Variants in NTM observed in about 807,000 individuals in gnomAD.
NTM encodes the protein neurotrimin.
A neutral mutation model predicts 42.1 loss-of-function variants in NTM; 13 were observed. The observed-to-expected ratio is 0.31, with a 90% confidence interval of 0.20 to 0.49. The LOEUF is 0.49. NTM is among the 20% of genes least tolerant of loss of function. The probability of loss-of-function intolerance (pLI) is 0.99; values close to 1 mark genes in which losing one functional copy is unlikely to be tolerated. For missense variants in NTM, 373 were observed against 452.8 expected (o/e 0.82, Z 1.60); for synonymous variants, 187 against 179.2 (o/e 1.04, Z -0.35).
intron 1 of NTM, among the ~76,000 whole-genome samples, chr11:131,681,248 TG>T (rs1283053384): frequency 1.1e-4 from 6 of 56,224 alleles, no homozygotes; most frequent in African/African-American, 1.4e-4. Flanking sequence ...TATGTGAGCG[TG>T]TGTTTCTGTG....
chr11:131,970,312 GC>G lies in NTM; in HGVS notation c.167+58665del, dbSNP rs545528646. On this transcript the variant is annotated intron_variant, in intron 2 of 8. Transcript: ENST00000683400. ...GATTTGATTGTATGTTTTCTGTTTG[GC>G]TTCCATGTTCTACCTGCCAGTGGGC... is the stretch of plus-strand genomic sequence containing the variant. Among the ~76,000 whole-genome samples the G allele has an allele frequency of 4.9e-3, 747 of 152,202 alleles. 2 individuals carry two copies. The highest frequency in any genetic ancestry group is 7.8e-3 in the Non-Finnish European group (531 of 68,008).
intron 1 of NTM, among the ~76,000 whole-genome samples, chr11:131,475,966 G>C (rs554746300): frequency 1.5e-4 from 23 of 152,134 alleles, no homozygotes; most frequent in African/African-American, 5.3e-4. Flanking sequence ...TCCTTGCCTT[G>C]GGTATTTACC....
chr11:131,752,572 A>G (rs1565502352), intron 1 of NTM, among the ~76,000 whole-genome samples: 1 of 152,206 alleles, frequency 6.6e-6, no homozygotes, highest in Admixed American at 6.5e-5. Context: ...TCACGTTGCT[A>G]TAAAGACACA....
chr11:132,295,291 C>T (rs1489326383), intron 4 of NTM, among the ~76,000 whole-genome samples: 1 of 152,018 alleles, frequency 6.6e-6, no homozygotes, highest in African/African-American at 2.4e-5. Flanking sequence ...TTATGATAGG[C>T]TAGAACAGCC....
chr11:132,151,949 A>ACT (rs1356498757), intron 3 of NTM, among the ~76,000 whole-genome samples: 1 of 151,920 alleles, frequency 6.6e-6, no homozygotes, highest in Non-Finnish European at 1.5e-5. Flanking sequence ...CCTATTTCTG[A>ACT]CTCTCTCTCT....
chr11:131,447,236 G>A (rs750586406), intron 1 of NTM, among the ~76,000 whole-genome samples: 6 of 152,116 alleles, frequency 3.9e-5, no homozygotes, highest in Admixed American at 1.3e-4. Flanking sequence ...GGAGTGCCTC[G>A]GATGTGATTT....
chr11:132,073,216 T>C (rs2057932751), intron 2 of NTM, among the ~76,000 whole-genome samples: 1 of 152,154 alleles, frequency 6.6e-6, no homozygotes, highest in African/African-American at 2.4e-5. Flanking sequence ...ACTTTTCTAT[T>C]TGTGAAGGGG....
At chr11:131,452,490 G>A (rs183913468) in intron 1 of NTM, among the ~76,000 whole-genome samples, 3 of 152,344 alleles carry the variant, frequency 2.0e-5, no homozygotes, top group African/African-American at 7.2e-5. Context: ...GAAGCCTTCT[G>A]AACCAACTGA....
intron 1 of NTM, among the ~76,000 whole-genome samples, chr11:131,470,575 GA>G (rs1952342545): frequency 6.6e-6 from 1 of 152,176 alleles, no homozygotes; most frequent in African/African-American, 2.4e-5. Flanking sequence ...AGAGCAGCAG[GA>G]AGGCTTGAAA....
Position 132,310,087 on chromosome 11 carries a change from G to T in NTM, c.662-25G>T, listed in dbSNP as rs991874436. ...AAAAAAAAAAAAAGGTGGGGGGGCGGCTATGAGACATCTTCTTTTTGCAGA... is the reference window on the plus strand; with the variant it reads ...AAAAAAAAAAAAAGGTGGGGGGGCGTCTATGAGACATCTTCTTTTTGCAGA... On this transcript the variant is annotated intron_variant, in intron 5 of 8. Transcript: ENST00000683400. The T allele has an allele frequency of 8.3e-6, 13 of 1,558,348 alleles. No individual in the cohort carries two copies. In the African/African-American group the frequency reaches 1.5e-4, roughly 19 times the overall value.
chr11:132,309,011 A>AAGATTTATG (rs1377739186), intron 5 of NTM, among the ~76,000 whole-genome samples: 1 of 152,216 alleles, frequency 6.6e-6, no homozygotes, highest in African/African-American at 2.4e-5. Flanking sequence ...CACCTGCTTT[A>AAGATTTATG]AGATTTATGT....
chr11:131,511,639 A>AT (rs35158907), intron 1 of NTM, among the ~76,000 whole-genome samples: 22,882 of 152,102 alleles, frequency 0.15, 1,924 homozygotes, highest in Middle Eastern at 0.22. Context: ...CTTAGGATTG[A>AT]TTTTCCTCCA....
At chr11:131,948,244 A>G (rs1186140734) in intron 2 of NTM, among the ~76,000 whole-genome samples, 1 of 151,982 alleles carries the variant, frequency 6.6e-6, no homozygotes. Context: ...GGGTGCCTGT[A>G]GTCCCCGCTA....
At chr11:131,546,268 T>C (rs1181266232) in intron 1 of NTM, among the ~76,000 whole-genome samples, 4 of 151,640 alleles carry the variant, frequency 2.6e-5, no homozygotes, top group African/African-American at 7.3e-5. Flanking sequence ...TGTAACAAAC[T>C]AAACCCGGTT....
At chr11:132,184,275 G>A (rs910214228) in intron 3 of NTM, among the ~76,000 whole-genome samples, 6 of 152,040 alleles carry the variant, frequency 3.9e-5, no homozygotes, top group South Asian at 2.1e-4. Flanking sequence ...CTGTTCTCCC[G>A]GGCTGAGGCT....
chr11:131,780,336 C>T (rs531097987), intron 1 of NTM, among the ~76,000 whole-genome samples: 13 of 152,230 alleles, frequency 8.5e-5, no homozygotes, highest in East Asian at 5.8e-4. Context: ...GAACGATAGA[C>T]GAGACGACCT....
intron 1 of NTM, chr11:131,371,200 C>A: frequency 1.7e-6 from 1 of 604,106 alleles, no homozygotes; most frequent in Non-Finnish European, 2.1e-6. Context: ...CAACGGAGCA[C>A]ACATGTAAGC....
In NTM at chr11:132,324,049, A is replaced by T. The variant is rs1176404271; in HGVS notation, c.935-6104A>T. ...TTCAAAATAATAAGAGCTATCTATG[A>T]CAAACCCACAGCCAATATCATACTG... On this transcript the variant is annotated intron_variant, in intron 7 of 8. Transcript: ENST00000683400. Among the ~76,000 whole-genome samples the T allele has an allele frequency of 2.3e-5, 3 of 128,800 alleles. No individual in the cohort carries two copies. The East Asian group carries it at 6.5e-4, about 28-fold the overall frequency. 84.5% of individuals were successfully genotyped at this position (128,800 alleles called of 152,430 possible). A position where few individuals can be genotyped will look rare whatever the true frequency, so the allele number is the denominator to read the frequency against.
chr11:131,883,719 T>C (rs750801133), intron 1 of NTM, among the ~76,000 whole-genome samples: 2 of 152,126 alleles, frequency 1.3e-5, no homozygotes, highest in Non-Finnish European at 2.9e-5. Context: ...AGAGGGAAGA[T>C]GACAAGCCAG....
Sources: gnomAD v4.1 joint callset for allele counts (sites outside exome capture counted in the v4.1 genomes callset) on GRCh38, gnomAD v4.1.1 for gene constraint, MANE v1.5 for transcripts, NCBI Gene and HGNC (gene_info 2026-07-23, HGNC 2026-07-21) for gene names.